The following EXT2 variants were observed in gnomAD, a reference collection of about 807,000 sequenced individuals.
EXT2 encodes exostosin-2.
EXT2 carries 53 observed loss-of-function variants against 81.6 expected under a neutral mutation model. That is an observed-to-expected ratio of 0.65 (90% CI 0.52 to 0.82). EXT2 has a LOEUF of 0.82. Among genes scored for constraint, EXT2 ranks in the 40% least tolerant of loss-of-function variants. EXT2 has a pLI of 0.00. For synonymous variants in EXT2, 320 were observed against 340.0 expected (o/e 0.94, Z 0.65); for missense variants, 774 against 910.2 (o/e 0.85, Z 1.93).
intron 4 of EXT2, among the ~76,000 whole-genome samples, chr11:44,121,937 C>T (rs943543160): frequency 6.6e-6 from 1 of 152,128 alleles, no homozygotes; most frequent in African/African-American, 2.4e-5. Context: ...GCTCCCACCC[C>T]ACTAGGGCTT....
chr11:44,119,173 C>T lies in EXT2; in HGVS notation c.743+4872C>T, dbSNP rs60830285. ...ATATATATATATATATATATATACA[C>T]ATACACACACACACACACACATTTT... On this transcript the variant is annotated intron_variant, in intron 4 of 13. Coordinates refer to ENST00000533608, the MANE Select transcript of EXT2 (RefSeq NM_207122.2). 9.2e-3 allele frequency among the ~76,000 whole-genome samples: 627 copies of T among 67,912 alleles called. 1 individual carries two copies. The highest frequency in any genetic ancestry group is 0.021 in the African/African-American group (349 of 16,838). 44.6% of individuals were successfully genotyped at this position (67,912 alleles called of 152,430 possible).
chr11:44,149,536 G>A (rs1954765232), intron 7 of EXT2, among the ~76,000 whole-genome samples: 1 of 152,070 alleles, frequency 6.6e-6, no homozygotes, highest in Admixed American at 6.5e-5. Context: ...AATACGTATT[G>A]GACCTTGAAA....
At chr11:44,225,983 G>A (rs944219037) in intron 10 of EXT2, among the ~76,000 whole-genome samples, 11 of 152,200 alleles carry the variant, frequency 7.2e-5, no homozygotes, top group African/African-American at 2.7e-4. Flanking sequence ...CAGATACAAG[G>A]ATGAGGCACA....
At chr11:44,184,106 T>A (rs999947943) in intron 8 of EXT2, among the ~76,000 whole-genome samples, 2 of 152,244 alleles carry the variant, frequency 1.3e-5, no homozygotes, top group African/African-American at 4.8e-5. Context: ...AATGTCTCAC[T>A]GGAGGTTTCT....
rs1955847383 is a variant in EXT2 at position 44,227,199 on chromosome 11, C to T, written c.1663-5154C>T. Among the ~76,000 whole-genome samples the T allele has an allele frequency of 1.3e-5, 2 of 152,214 alleles. 1 individual carries two copies. Among genetic ancestry groups the T allele is most frequent in the South Asian group, 4.1e-4 (2 of 4,830 alleles). On this transcript the variant is annotated intron_variant, in intron 10 of 13. Transcript: ENST00000533608. Reference sequence around the variant, plus strand: ...TTCCGGAATCTGACTGCGGTTAGCACACACCCTGAGTTTAAAATGCACTCT... The same window carrying T: ...TTCCGGAATCTGACTGCGGTTAGCATACACCCTGAGTTTAAAATGCACTCT...
At position 44,220,829 on chromosome 11, in the gene EXT2, G is replaced by A. The variant is rs1279749023; in HGVS notation, c.1663-11524G>A. On this transcript the variant is annotated intron_variant, in intron 10 of 13. Coordinates refer to ENST00000533608, the MANE Select transcript of EXT2 (RefSeq NM_207122.2). This position sits in a 1 kb window ranked among gnomAD's most constrained non-coding sequence, Gnocchi z 4.4. ...AAGTAGTGGGCCAGAAGCCCAGGGA[G>A]GTGCTGAAGGAAGCCGCAGTAAAGC... Among the ~76,000 whole-genome samples, 1 of 152,196 alleles carries A rather than the reference G, an allele frequency of 6.6e-6. No homozygotes were observed. The highest frequency in any genetic ancestry group is 6.5e-5 in the Admixed American group (1 of 15,286).
At chr11:44,117,040 G>A (rs1262194745) in intron 4 of EXT2, among the ~76,000 whole-genome samples, 1 of 151,024 alleles carries the variant, frequency 6.6e-6, no homozygotes, top group Non-Finnish European at 1.5e-5. Context: ...CGTGATCTCG[G>A]CTCACCAAAA....
chr11:44,135,102 C>A (rs1361815512), intron 7 of EXT2, among the ~76,000 whole-genome samples: 3 of 152,176 alleles, frequency 2.0e-5, no homozygotes, highest in African/African-American at 7.2e-5. Flanking sequence ...GAAAATAAAA[C>A]CTCTAGACTA....
chr11:44,213,948 A>G (rs1955683007), intron 10 of EXT2, among the ~76,000 whole-genome samples: 1 of 152,256 alleles, frequency 6.6e-6, no homozygotes, highest in African/African-American at 2.4e-5. Context: ...AATAAATTGT[A>G]GCAATACTTC....
intron 7 of EXT2, among the ~76,000 whole-genome samples, chr11:44,144,032 G>A (rs1054538780): frequency 6.6e-6 from 1 of 152,276 alleles, no homozygotes. Context: ...AAAGGAGCAG[G>A]TCTTTCAAGT....
intron 9 of EXT2, among the ~76,000 whole-genome samples, chr11:44,199,528 C>T (rs930610755): frequency 6.6e-6 from 1 of 152,268 alleles, no homozygotes; most frequent in African/African-American, 2.4e-5. Context: ...GGAAAGGCCA[C>T]CAGCTTTCAG....
chr11:44,154,176 A>T (rs966858452), intron 7 of EXT2, among the ~76,000 whole-genome samples: 3 of 152,008 alleles, frequency 2.0e-5, no homozygotes, highest in Admixed American at 6.6e-5. Flanking sequence ...TCATTTTGAG[A>T]TGTACAATAA....
chr11:44,143,403 C>A (rs189105373), intron 7 of EXT2, among the ~76,000 whole-genome samples: 3 of 152,320 alleles, frequency 2.0e-5, no homozygotes, highest in Admixed American at 2.0e-4. Context: ...TCCTCCCACT[C>A]TTGTAGGCTT....
At chr11:44,171,503 C>G in intron 7 of EXT2, 108 bp from the exon 8 acceptor site, 4 of 1,561,846 alleles carry the variant, frequency 2.6e-6, no homozygotes, top group Non-Finnish European at 2.6e-6. Context: ...ATCCCTACAA[C>G]TTTGGGAATA....
At chr11:44,177,812 CAG>C (rs1955179937) in intron 8 of EXT2, among the ~76,000 whole-genome samples, 1 of 151,658 alleles carries the variant, frequency 6.6e-6, no homozygotes, top group Non-Finnish European at 1.5e-5. Flanking sequence ...AGATTTAAAA[CAG>C]AAAGAGAAGA....
intron 13 of EXT2, among the ~76,000 whole-genome samples, chr11:44,238,126 T>C (rs753710083): frequency 5.3e-5 from 8 of 152,018 alleles, no homozygotes; most frequent in African/African-American, 9.7e-5. Flanking sequence ...TTAATTTAGA[T>C]ATAATTATTA....
At chr11:44,171,860 G>A in intron 8 of EXT2, 118 bp downstream of exon 8, 2 of 1,504,070 alleles carry the variant, frequency 1.3e-6, no homozygotes, top group Non-Finnish European at 9.1e-7. Context: ...AGATGAGAGT[G>A]TGCTTTTTAT....
chr11:44,199,485 G>A (rs943472830), intron 9 of EXT2, among the ~76,000 whole-genome samples: 1 of 152,224 alleles, frequency 6.6e-6, no homozygotes, highest in African/African-American at 2.4e-5. Context: ...GTTGTGTCTT[G>A]CAGTAGTCAC....
intron 7 of EXT2, among the ~76,000 whole-genome samples, chr11:44,133,708 G>A (rs564448012): frequency 1.5e-4 from 23 of 152,244 alleles, no homozygotes; most frequent in Non-Finnish European, 3.1e-4. Flanking sequence ...ATCCTGCTTA[G>A]CACAGGATTT....
Sources: allele counts gnomAD v4.1 joint callset (sites outside exome capture counted in the v4.1 genomes callset), GRCh38; gene constraint gnomAD v4.1.1; non-coding constraint Gnocchi (gnomAD v3.1); transcripts MANE v1.5; gene names NCBI Gene and HGNC (gene_info 2026-07-23, HGNC 2026-07-21).